The following AEN variants were observed in gnomAD, a reference collection of about 807,000 sequenced individuals.
AEN encodes the protein apoptosis enhancing nuclease.
In AEN, 21 loss-of-function variants were observed where a neutral mutation model predicts 17.7. The observed-to-expected ratio is 1.19, with a 90% CI of 0.84 to 1.71. The LOEUF is 1.71. Among genes scored for constraint, AEN ranks in the 40% most tolerant of loss-of-function variants. The pLI is 0.00. For synonymous variants in AEN, 190 were observed against 173.0 expected (o/e 1.10, Z -0.77); for missense variants, 462 against 435.9 (o/e 1.06, Z -0.53).
chr15:88,626,509 G>C lies in AEN; in HGVS notation c.300G>C (p.Gly100=). Reference sequence around the variant, plus strand: ...CATGCAGCAGAAGGCCTGCTCCCGGGAAAGCCTCAGGGCCCTTGCCCAGCA... The same window carrying C: ...CATGCAGCAGAAGGCCTGCTCCCGGCAAAGCCTCAGGGCCCTTGCCCAGCA... The part of the protein sequence containing the change: ...SAPCSRRPAP[G]KASGPLPSKC... Residue 100 remains glycine (G), a synonymous_variant, in exon 2 of 4, where the codon GGG becomes GGC. Coordinates refer to ENST00000332810, the MANE Select transcript of AEN (RefSeq NM_022767.4). 1 of 1,614,172 alleles carries C rather than the reference G, an allele frequency of 6.2e-7. No homozygotes were observed. Among genetic ancestry groups the C allele is most frequent in the Non-Finnish European group, 8.5e-7 (1 of 1,180,048 alleles).
At chr15:88,626,089 G>A in intron 1 of AEN, 57 bp from the exon 2 acceptor site, 1 of 1,166,868 alleles carries the variant, frequency 8.6e-7, no homozygotes, top group Non-Finnish European at 1.2e-6. Flanking sequence ...AGGGAGGGTG[G>A]GTGGGCTGCC....
In AEN at chr15:88,631,458, C is replaced by T. The variant is rs115789711; in HGVS notation, c.*1164C>T. On this transcript the variant is annotated 3_prime_UTR_variant, in exon 4 of 4. Coordinates refer to ENST00000332810, the MANE Select transcript of AEN (RefSeq NM_022767.4). ...TCAGGTCACACAGACCTTGGAGCCCCATCTTTGCTTGCAGCTTAGCTTTGA... is the reference window on the plus strand; with the variant it reads ...TCAGGTCACACAGACCTTGGAGCCCTATCTTTGCTTGCAGCTTAGCTTTGA... 2.6e-3 allele frequency: 582 copies of T among 224,910 alleles called. 2 individuals carry two copies. Among genetic ancestry groups the T allele is most frequent in the African/African-American group, 0.012 (523 of 44,682 alleles). 13.9% of individuals were successfully genotyped at this position (224,910 alleles called of 1,614,324 possible).
At chr15:88,618,871 A>G (rs1368973860), upstream of AEN, among the ~76,000 whole-genome samples, 1 of 152,118 alleles carries the variant, frequency 6.6e-6, no homozygotes, top group Non-Finnish European at 1.5e-5. Flanking sequence ...CAGTGGCTCA[A>G]TCATAGCTCA....
At chr15:88,607,937 T>G in the AEN span, among the ~76,000 whole-genome samples, 1 of 152,226 alleles carries the variant, frequency 6.6e-6, no homozygotes, top group African/African-American at 2.4e-5. Flanking sequence ...TGTACTTTTC[T>G]TCCCAAAGAA....
At chr15:88,611,135 T>C in the AEN span, among the ~76,000 whole-genome samples, 2 of 152,174 alleles carry the variant, frequency 1.3e-5, no homozygotes, top group African/African-American at 4.8e-5. Flanking sequence ...CCATGGGCCA[T>C]GCCCATAGGC....
the AEN span, among the ~76,000 whole-genome samples, chr15:88,605,875 C>T: frequency 6.6e-6 from 1 of 152,370 alleles, no homozygotes; most frequent in Admixed American, 6.5e-5. This position sits in a 1 kb window ranked among gnomAD's most constrained non-coding sequence, Gnocchi z 7.6. Flanking sequence ...CTGCGCACGG[C>T]TCGGCCTCCC....
the AEN span, among the ~76,000 whole-genome samples, chr15:88,607,267 A>G: frequency 6.6e-6 from 1 of 152,352 alleles, no homozygotes; most frequent in South Asian, 2.1e-4. Flanking sequence ...CGCCTTCATA[A>G]TTAGCAAATA....
chr15:88,630,078 A>C lies in AEN; in HGVS notation c.762A>C (p.Ser254=). 9 of 1,614,046 alleles carry C rather than the reference A, an allele frequency of 5.6e-6. No homozygotes were observed. The highest frequency in any genetic ancestry group is 7.6e-6 in the Non-Finnish European group (9 of 1,180,012). Residue 254 remains serine (S), a synonymous_variant, in exon 4 of 4, where the codon TCA becomes TCC. Coordinates refer to ENST00000332810, the MANE Select transcript of AEN (RefSeq NM_022767.4). The surrounding 1 kb of genome is among the most constrained non-coding windows in gnomAD (Gnocchi z 5.1). ...AGTAGGTGGGCCAGCACGGGCACTC[A>C]TCAGTAGAAGATGCCACGACAGCCA... The part of the protein sequence containing the change: ...KKIQVGQHGH[S]SVEDATTAME...
Position 88,632,127 on chromosome 15 carries a change from G to T in AEN, c.*1833G>T, listed in dbSNP as rs2057936779. On this transcript the variant is annotated 3_prime_UTR_variant, in exon 4 of 4. Transcript: ENST00000332810. ...CTTTGTTCTAGATTCCTTAAAAGTC[G>T]GTAGCTGATGTCAAACTCAATTGAG... The T allele has an allele frequency of 6.6e-6, 1 of 152,168 alleles. No individual in the cohort carries two copies. The highest frequency in any genetic ancestry group is 1.9e-4 in the East Asian group (1 of 5,194). The allele number at this position is 152,168 out of a possible 1,614,324, so 9.4% of individuals were successfully genotyped here.
upstream of AEN, among the ~76,000 whole-genome samples, chr15:88,621,053 A>G (rs1215255509): frequency 1.3e-5 from 2 of 152,124 alleles, no homozygotes; most frequent in Non-Finnish European, 2.9e-5. Context: ...ATCCCGACCC[A>G]GGTAGAGGAG....
At chr15:88,608,352 G>T in the AEN span, among the ~76,000 whole-genome samples, 4 of 152,074 alleles carry the variant, frequency 2.6e-5, no homozygotes, top group Non-Finnish European at 5.9e-5. Flanking sequence ...CTACCTATTC[G>T]CAGCTTACTT....
Position 88,630,895 on chromosome 15 carries a change from C to T in AEN, c.*601C>T. On this transcript the variant is annotated 3_prime_UTR_variant, in exon 4 of 4. Transcript: ENST00000332810. The surrounding 1 kb of genome is among the most constrained non-coding windows in gnomAD (Gnocchi z 5.1). The stretch of plus-strand genomic sequence containing the variant: ...CCTGACCTGGAACTCTGGCTACAGC[C>T]ATTGTAGGAACTCCGTGCCTGGCCT... 1 of 299,048 alleles carries T rather than the reference C, an allele frequency of 3.3e-6. No homozygotes were observed. Among genetic ancestry groups the T allele is most frequent in the East Asian group, 8.0e-5 (1 of 12,562 alleles). 18.5% of individuals were successfully genotyped at this position (299,048 alleles called of 1,614,324 possible). A position where few individuals can be genotyped will look rare whatever the true frequency, so the allele number is the denominator to read the frequency against.
chr15:88,627,231 A>G (rs757668283), intron 2 of AEN: 6 of 172,292 alleles, frequency 3.5e-5, no homozygotes, highest in Non-Finnish European at 7.5e-5. Context: ...TTAACAATCT[A>G]GGATCCTTGT....
chr15:88,609,063 C>T, the AEN span, among the ~76,000 whole-genome samples: 4 of 152,272 alleles, frequency 2.6e-5, no homozygotes, highest in South Asian at 6.2e-4. Flanking sequence ...AATGTGAGTA[C>T]AGACCACTTC....
chr15:88,614,485 TCA>T, the AEN span, among the ~76,000 whole-genome samples: 4 of 152,308 alleles, frequency 2.6e-5, no homozygotes, highest in South Asian at 8.3e-4. Context: ...ACAGCGTAAG[TCA>T]CAGCGCCTGG....
chr15:88,606,198 TC>T, the AEN span, among the ~76,000 whole-genome samples: 9 of 151,976 alleles, frequency 5.9e-5, no homozygotes, highest in African/African-American at 2.2e-4. Flanking sequence ...AATCCTGCGC[TC>T]CCCCGTGCTC....
Position 88,630,124 on chromosome 15 carries a change from G to A in AEN, c.808G>A (p.Glu270Lys). ...AGCCATGGAGCTCTACCGGCTGGTG[G>A]AGGTGCAGTGGGAACAGCAGGAGGC... ...TTAMELYRLV[E>K]VQWEQQEARS... Residue 270 changes from glutamate to lysine, a missense_variant, in exon 4 of 4, where the codon GAG becomes AAG. By Grantham distance (56) the Glu-to-Lys change is moderately conservative. Coordinates refer to ENST00000332810, the MANE Select transcript of AEN (RefSeq NM_022767.4). This position sits in a 1 kb window ranked among gnomAD's most constrained non-coding sequence, Gnocchi z 5.1. 1 of 1,613,908 alleles carries A rather than the reference G, an allele frequency of 6.2e-7. No homozygotes were observed. Among genetic ancestry groups the A allele is most frequent in the South Asian group, 1.1e-5 (1 of 91,086 alleles).
At chr15:88,606,722 G>C in the AEN span, among the ~76,000 whole-genome samples, 2 of 152,322 alleles carry the variant, frequency 1.3e-5, no homozygotes, top group Non-Finnish European at 2.9e-5. Flanking sequence ...TCGATCCCGC[G>C]TAAGGCCCCG....
At chr15:88,618,004 C>G (rs1052533274), upstream of AEN, among the ~76,000 whole-genome samples, 1 of 152,130 alleles carries the variant, frequency 6.6e-6, no homozygotes, top group African/African-American at 2.4e-5. Flanking sequence ...ACTGCCCCAC[C>G]CTGTCACTCT....
Sources: allele counts gnomAD v4.1 joint callset (sites outside exome capture counted in the v4.1 genomes callset), GRCh38; gene constraint gnomAD v4.1.1; non-coding constraint Gnocchi (gnomAD v3.1); transcripts MANE v1.5; gene names NCBI Gene and HGNC (gene_info 2026-07-23, HGNC 2026-07-21).